ODF2: variants seen among roughly 807,000 people sequenced by gnomAD.
The protein encoded by ODF2 is outer dense fiber of sperm tails 2, also known as outer dense fiber protein 2.
In ODF2, 47 loss-of-function variants were observed where a neutral mutation model predicts 110.2. That is an observed-to-expected ratio of 0.43 (90% CI 0.34 to 0.54). The LOEUF (loss-of-function observed/expected upper bound fraction) is 0.54. Among genes scored for constraint, ODF2 ranks in the 20% least tolerant of loss-of-function variants. ODF2 has a pLI of 0.03. For synonymous variants in ODF2, 352 were observed against 397.7 expected, an observed-to-expected ratio of 0.89 and a Z score of 1.37; for missense variants, 812 against 1,054.5, an observed-to-expected ratio of 0.77 and a Z score of 3.19.
At chr9:128,495,859 T>G (rs1163914329) in intron 17 of ODF2, among the ~76,000 whole-genome samples, 182 bp from the exon 18 acceptor site, 5 of 152,104 alleles carry the variant, frequency 3.3e-5, no homozygotes, top group Non-Finnish European at 7.4e-5. Flanking sequence ...GAGCCTTTTG[T>G]CTTTGGAGTT....
Position 128,485,934 on chromosome 9 carries a change from G to A in ODF2, c.1400+460G>A, listed in dbSNP as rs1316846721. Among the ~76,000 whole-genome samples, 3 of 152,136 alleles carry A rather than the reference G, an allele frequency of 2.0e-5. No homozygotes were observed. The highest frequency in any genetic ancestry group is 7.2e-5 in the African/African-American group (3 of 41,414). On this transcript the variant is annotated intron_variant, in intron 13 of 20. Coordinates refer to ENST00000604420, the Ensembl canonical transcript of ODF2. The surrounding 1 kb of genome is among the most constrained non-coding windows in gnomAD (Gnocchi z 5.0). ...TCAGTGGTATGGCATGGGAGTAGGG[G>A]GCAAAAGTGGCCTCAATTTGCAAGT...
At chr9:128,456,224 C>T (rs1834731442) in exon 1 of ODF2, 3 of 1,546,728 alleles carry the variant, frequency 1.9e-6, no homozygotes, top group South Asian at 2.4e-5. Flanking sequence ...CTTCATAAGG[C>T]GGCGTTTCTG....
chr9:128,484,665 C>A, intron 11 of ODF2, 36 bp from the exon 12 acceptor site: 6 of 1,549,840 alleles, frequency 3.9e-6, no homozygotes, highest in Non-Finnish European at 3.5e-6. Context: ...CCTTGTCTCT[C>A]TTCTCCCTCT....
intron 8 of ODF2, among the ~76,000 whole-genome samples, chr9:128,478,813 G>T (rs1841860694): frequency 6.6e-6 from 1 of 152,074 alleles, no homozygotes; most frequent in Non-Finnish European, 1.5e-5. Context: ...TGCTTGCTGG[G>T]TAGTGCTCAG....
At chr9:128,487,614 C>T (rs142255426) in intron 13 of ODF2, among the ~76,000 whole-genome samples, 1,709 of 152,038 alleles carry the variant, frequency 0.011, 26 homozygotes, top group African/African-American at 0.039. Flanking sequence ...GGTGAAACCC[C>T]GTCTCTACTA....
At chr9:128,465,248 CCT>C (rs1837533733) in intron 4 of ODF2, among the ~76,000 whole-genome samples, 1 of 152,194 alleles carries the variant, frequency 6.6e-6, no homozygotes, top group South Asian at 2.1e-4. Context: ...TTCCTGTGGC[CCT>C]GAGAGGCCCT....
intron 9 of ODF2, 53 bp from the exon 10 acceptor site, chr9:128,482,763 C>A (rs1842643720): frequency 2.1e-6 from 3 of 1,419,870 alleles, no homozygotes; most frequent in African/African-American, 2.8e-5. Context: ...CCTCCCTGGG[C>A]CGGGCCTCTT....
At chr9:128,492,572 T>C (rs1844814414) in intron 15 of ODF2, 36 bp downstream of exon 15, 1 of 1,528,170 alleles carries the variant, frequency 6.5e-7, no homozygotes, top group Non-Finnish European at 9.0e-7. Flanking sequence ...TTCTGAGCAG[T>C]GCCCTCCCTG....
intron 5 of ODF2, 52 bp downstream of exon 5, chr9:128,469,405 C>T (rs770408197): frequency 6.3e-7 from 1 of 1,579,088 alleles, no homozygotes; most frequent in African/African-American, 1.3e-5. Context: ...TGTGCAGGAG[C>T]ACCCAGGTGG....
chr9:128,469,317 T>C, exon 5 of ODF2: 6 of 1,614,142 alleles, frequency 3.7e-6, no homozygotes, highest in Non-Finnish European at 5.1e-6. Context: ...AGAAGATTGA[T>C]AGTCTAATGA....
intron 4 of ODF2, 175 bp downstream of exon 4, chr9:128,461,242 T>G: frequency 1.3e-6 from 1 of 787,092 alleles, no homozygotes; most frequent in Non-Finnish European, 2.0e-6. Flanking sequence ...CTTATGATAC[T>G]GCTGTGTGGG....
intron 5 of ODF2, chr9:128,469,583 A>G (rs1335361449): frequency 7.4e-6 from 4 of 540,492 alleles, no homozygotes; most frequent in Admixed American, 3.4e-5. Flanking sequence ...GGTGCTCCAC[A>G]TGGGTGGTCC....
At chr9:128,484,579 G>C in intron 11 of ODF2, 122 bp from the exon 12 acceptor site, 1 of 1,078,400 alleles carries the variant, frequency 9.3e-7, no homozygotes, top group Non-Finnish European at 1.3e-6. Context: ...ACTTTTTTCT[G>C]TCTTCCTCGT....
intron 4 of ODF2, among the ~76,000 whole-genome samples, chr9:128,464,340 G>C (rs923642653): frequency 7.9e-5 from 12 of 151,426 alleles, no homozygotes; most frequent in Admixed American, 3.3e-4. Context: ...ATTTTTAATA[G>C]AGACGGGGTT....
intron 20 of ODF2, among the ~76,000 whole-genome samples, chr9:128,499,729 C>T (rs1846244900): frequency 6.6e-6 from 1 of 152,172 alleles, no homozygotes; most frequent in South Asian, 2.1e-4. Flanking sequence ...CCCACCCCAG[C>T]CTCCTGAGCA....
exon 21 of ODF2, chr9:128,500,352 G>A: frequency 8.2e-7 from 1 of 1,224,960 alleles, no homozygotes; most frequent in South Asian, 1.4e-5. Context: ...CTCTCCCAGT[G>A]AAAAAATGGG....
intron 4 of ODF2, among the ~76,000 whole-genome samples, chr9:128,468,502 C>T (rs1010564079): frequency 5.9e-5 from 9 of 151,922 alleles, no homozygotes; most frequent in Non-Finnish European, 5.9e-5. Context: ...TAGTTGAGAT[C>T]ACAGGCATGT....
chr9:128,482,398 C>T lies in ODF2; in HGVS notation c.916-418C>T, dbSNP rs561462584. 1.2e-4 allele frequency among the ~76,000 whole-genome samples: 19 copies of T among 152,144 alleles called. No homozygotes were observed. In the South Asian group the frequency reaches 1.5e-3, roughly 12 times the overall value. The stretch of plus-strand genomic sequence containing the variant: ...AACTTGAACCGTCAAGCAGCTCTTT[C>T]AAAAGACACAGAAGATTTAATCACA... On this transcript the variant is annotated intron_variant, in intron 9 of 20. Transcript: ENST00000604420.
At position 128,494,414 on chromosome 9, in the gene ODF2, C is replaced by A; in HGVS notation, c.1753-96C>A. On this transcript the variant is annotated intron_variant, in intron 16 of 20. Transcript: ENST00000604420. This position sits in a 1 kb window ranked among gnomAD's most constrained non-coding sequence, Gnocchi z 4.6. ...TCCACTGGGGACTGTGTCAGCCCTG[C>A]CCTAACTCTAAAGGACTCTGCCTGG... 9.0e-7 allele frequency: 1 copy of A among 1,114,498 alleles called. No individual in the cohort carries two copies. Among genetic ancestry groups the A allele is most frequent in the South Asian group, 1.4e-5 (1 of 70,980 alleles). 69.0% of individuals were successfully genotyped at this position (1,114,498 alleles called of 1,614,324 possible). A position where few individuals can be genotyped will look rare whatever the true frequency, so the allele number is the denominator to read the frequency against.
Sources: allele counts gnomAD v4.1 joint callset (sites outside exome capture counted in the v4.1 genomes callset), GRCh38; gene constraint gnomAD v4.1.1; non-coding constraint Gnocchi (gnomAD v3.1); transcripts MANE v1.5; gene names NCBI Gene and HGNC (gene_info 2026-07-23, HGNC 2026-07-21).